The following RAG1 variants were observed in gnomAD, a reference collection of about 807,000 sequenced individuals.
The protein encoded by RAG1 is recombination activating 1, also known as V(D)J recombination-activating protein 1.
Under a neutral mutation model 62.7 loss-of-function variants are expected in RAG1, and 35 were observed. That is an observed-to-expected ratio of 0.56 (90% CI 0.43 to 0.74). RAG1 has a LOEUF of 0.74. RAG1 is among the 30% of genes least tolerant of loss of function. RAG1 has a pLI of 0.00. For synonymous variants in RAG1, 461 were observed against 470.3 expected (o/e 0.98, Z 0.26); for missense variants, 1,169 against 1,278.6 (o/e 0.91, Z 1.31).
chr11:36,576,470 T>A lies in RAG1; in HGVS notation c.*34T>A. The A allele has an allele frequency of 7.4e-6, 12 of 1,612,618 alleles. No homozygotes were observed. The highest frequency in any genetic ancestry group is 9.3e-6 in the Non-Finnish European group (11 of 1,179,174). ...ACCACTTATGAGTTGGTTTTTGCAA[T>A]TGAGTTTCCCTCTGGGTTGCATTGA... On this transcript the variant is annotated 3_prime_UTR_variant, in exon 2 of 2. Coordinates refer to ENST00000299440, the MANE Select transcript of RAG1 (RefSeq NM_000448.3).
At chr11:36,548,805 A>C (rs10768218) in intron 3 of RAG1, among the ~76,000 whole-genome samples, 1 of 152,026 alleles carries the variant, frequency 6.6e-6, no homozygotes, top group Non-Finnish European at 1.5e-5. Context: ...AAAAGAGCCC[A>C]TATGGTCAAG....
At chr11:36,530,055 GT>G (rs1241509943) in intron 2 of RAG1, among the ~76,000 whole-genome samples, 1 of 151,916 alleles carries the variant, frequency 6.6e-6, no homozygotes, top group East Asian at 1.9e-4. Flanking sequence ...GGCTGTTTAT[GT>G]TTTTTGAGGA....
chr11:36,574,851 G>C lies in RAG1; in HGVS notation c.1547G>C (p.Gly516Ala). Residue 516 changes from glycine to alanine, a missense_variant, in exon 2 of 2, where the codon GGC becomes GCC. By Grantham distance (60) the Gly-to-Ala change is moderately conservative. Transcript: ENST00000299440. ...AATGCTGAGAAGGTACTTCTGCCAGGCTACCACCACTTTGAGTGGCAGCCA... is the reference window on the plus strand; with the variant it reads ...AATGCTGAGAAGGTACTTCTGCCAGCCTACCACCACTTTGAGTGGCAGCCA... ...LRNAEKVLLP[G>A]YHHFEWQPPL... is the part of the protein sequence containing the mutation. 6.2e-7 allele frequency: 1 copy of C among 1,614,206 alleles called. No homozygotes were observed. Among genetic ancestry groups the C allele is most frequent in the Non-Finnish European group, 8.5e-7 (1 of 1,180,048 alleles).
intron 1 of RAG1, among the ~76,000 whole-genome samples, chr11:36,519,404 A>G (rs1485059216): frequency 6.6e-6 from 1 of 152,222 alleles, no homozygotes; most frequent in Non-Finnish European, 1.5e-5. Context: ...AGTCACTTAT[A>G]TTTACTTCAA....
upstream of RAG1, among the ~76,000 whole-genome samples, chr11:36,566,112 C>G (rs1850658054): frequency 6.6e-6 from 1 of 151,970 alleles, no homozygotes. Flanking sequence ...AAAGCTCCTC[C>G]CTTATCTGGT....
downstream of RAG1, among the ~76,000 whole-genome samples, chr11:36,539,765 A>G (rs2133263204): frequency 6.6e-6 from 1 of 152,314 alleles, no homozygotes; most frequent in Middle Eastern, 3.4e-3. Flanking sequence ...GGAATAAGCC[A>G]TTGCACCCAG....
chr11:36,575,695 C>A lies in RAG1; in HGVS notation c.2391C>A (p.Leu797=). The change falls in exon 2 of 2, where the codon CTC becomes CTA. Residue 797 remains leucine (L), a synonymous_variant. Coordinates refer to ENST00000299440, the MANE Select transcript of RAG1 (RefSeq NM_000448.3). The surrounding 1 kb of genome is among the most constrained non-coding windows in gnomAD (Gnocchi z 4.1). ...FIETVPSIDA[L]HCDIGNAAEF... is the part of the protein sequence containing the mutation. Reference sequence around the variant, plus strand: ...AGACAGTCCCTTCCATAGATGCACTCCACTGTGACATTGGCAATGCAGCTG... The same window carrying A: ...AGACAGTCCCTTCCATAGATGCACTACACTGTGACATTGGCAATGCAGCTG... 3 of 1,614,198 alleles carry A rather than the reference C, an allele frequency of 1.9e-6. No homozygotes were observed. The highest frequency in any genetic ancestry group is 2.2e-5 in the South Asian group (2 of 91,078).
intron 3 of RAG1, among the ~76,000 whole-genome samples, chr11:36,548,351 G>T (rs1590684065): frequency 6.6e-6 from 1 of 152,168 alleles, no homozygotes; most frequent in South Asian, 2.1e-4. Flanking sequence ...GTTTGCAGAT[G>T]ACATGATTGT....
chr11:36,517,221 A>G (rs1307895516), intron 1 of RAG1, among the ~76,000 whole-genome samples: 2 of 152,220 alleles, frequency 1.3e-5, no homozygotes, highest in African/African-American at 2.4e-5. Context: ...AGTTGAAATA[A>G]TGTCTTTTAT....
At chr11:36,548,070 A>G (rs932315554) in intron 3 of RAG1, among the ~76,000 whole-genome samples, 1 of 152,200 alleles carries the variant, frequency 6.6e-6, no homozygotes, top group African/African-American at 2.4e-5. Flanking sequence ...CATAAAATTC[A>G]ACACCCCTTC....
chr11:36,535,526 C>G (rs968311515), intron 2 of RAG1, among the ~76,000 whole-genome samples: 2 of 152,106 alleles, frequency 1.3e-5, no homozygotes, highest in African/African-American at 4.8e-5. Flanking sequence ...GGCAAATCAC[C>G]TGAGCTCAGG....
Position 36,576,000 on chromosome 11 carries a change from C to G in RAG1, c.2696C>G (p.Ser899Ter). The G allele has an allele frequency of 6.2e-7, 1 of 1,614,220 alleles. No individual in the cohort carries two copies. The highest frequency in any genetic ancestry group is 8.5e-7 in the Non-Finnish European group (1 of 1,180,046). The change falls in exon 2 of 2, where the codon TCA becomes TGA. Residue 899 changes from serine to a stop codon, truncating the protein, a stop_gained. Transcript: ENST00000299440. LOFTEE classifies it high-confidence loss of function. This position sits in a 1 kb window ranked among gnomAD's most constrained non-coding sequence, Gnocchi z 4.1. ...AAGATGAAACCAGTATGGCGATCAT[C>G]ATGCCCTGCTAAAGAGTGCCCAGAA... Reference protein sequence around the residue: ...YLKMKPVWRSSCPAKECPESL... With the variant: ...YLKMKPVWRS
At chr11:36,511,290 C>T (rs1258011081) in intron 1 of RAG1, among the ~76,000 whole-genome samples, 1 of 152,114 alleles carries the variant, frequency 6.6e-6, no homozygotes, top group Non-Finnish European at 1.5e-5. Flanking sequence ...CCCATCTTTA[C>T]ACAAAATTTA....
downstream of RAG1, among the ~76,000 whole-genome samples, chr11:36,538,156 A>G (rs1041054728): frequency 6.6e-6 from 1 of 152,186 alleles, no homozygotes; most frequent in Non-Finnish European, 1.5e-5. Flanking sequence ...GTCATTAAAA[A>G]TGTTTTTCCT....
At chr11:36,514,520 A>G (rs1476579558) in intron 1 of RAG1, among the ~76,000 whole-genome samples, 1 of 152,192 alleles carries the variant, frequency 6.6e-6, no homozygotes, top group African/African-American at 2.4e-5. Flanking sequence ...TTCTATTATC[A>G]TTACATTGCA....
chr11:36,576,464 T>C lies in RAG1; in HGVS notation c.*28T>C, dbSNP rs1298334828. On this transcript the variant is annotated 3_prime_UTR_variant, in exon 2 of 2. Coordinates refer to ENST00000299440, the MANE Select transcript of RAG1 (RefSeq NM_000448.3). ...AGGGCAACCACTTATGAGTTGGTTTTTGCAATTGAGTTTCCCTCTGGGTTG... is the reference window on the plus strand; with the variant it reads ...AGGGCAACCACTTATGAGTTGGTTTCTGCAATTGAGTTTCCCTCTGGGTTG... 4 of 1,613,228 alleles carry C rather than the reference T, an allele frequency of 2.5e-6. No homozygotes were observed. The highest frequency in any genetic ancestry group is 3.4e-6 in the Non-Finnish European group (4 of 1,179,718).
chr11:36,573,165 A>C, intron 1 of RAG1, 126 bp from the exon 2 acceptor site: 2 of 972,092 alleles, frequency 2.1e-6, no homozygotes, highest in African/African-American at 1.6e-5. Flanking sequence ...TTAAGGTAGA[A>C]GATTTAATAC....
intron 1 of RAG1, among the ~76,000 whole-genome samples, 186 bp downstream of exon 1, chr11:36,568,308 G>A (rs960428006): frequency 6.6e-6 from 1 of 152,082 alleles, no homozygotes; most frequent in African/African-American, 2.4e-5. Flanking sequence ...GGCCACTGAA[G>A]GTTCATAGAA....
At chr11:36,529,916 A>G (rs1335807232) in intron 2 of RAG1, among the ~76,000 whole-genome samples, 3 of 151,604 alleles carry the variant, frequency 2.0e-5, no homozygotes, top group Non-Finnish European at 4.4e-5. Flanking sequence ...CTTATTAACT[A>G]TTTGGTTGAA....
Sources: allele counts gnomAD v4.1 joint callset (sites outside exome capture counted in the v4.1 genomes callset), GRCh38; gene constraint gnomAD v4.1.1; non-coding constraint Gnocchi (gnomAD v3.1); transcripts MANE v1.5; gene names NCBI Gene and HGNC (gene_info 2026-07-23, HGNC 2026-07-21).